Variants in PCNX1 observed in about 807,000 individuals in gnomAD.
The protein encoded by PCNX1 is pecanex 1.
Under a neutral mutation model 242.2 loss-of-function variants are expected in PCNX1, and 78 were observed. That is an observed-to-expected ratio of 0.32 (90% CI 0.27 to 0.39). PCNX1 has a LOEUF of 0.39. Ranked by LOEUF, PCNX1 falls within the 10% of genes least tolerant of loss-of-function variation. The pLI, the probability that PCNX1 is intolerant of heterozygous loss-of-function variation, is 1.00. For missense variants in PCNX1, 2,581 were observed against 2,856.5 expected, an observed-to-expected ratio of 0.90 and a Z score of 2.20; for synonymous variants, 1,024 against 1,032.9, an observed-to-expected ratio of 0.99 and a Z score of 0.17.
At chr14:70,985,739 A>G (rs1352480409) in intron 6 of PCNX1, among the ~76,000 whole-genome samples, 1 of 152,206 alleles carries the variant, frequency 6.6e-6, no homozygotes, top group Non-Finnish European at 1.5e-5. Flanking sequence ...TAGTTGTACT[A>G]GAGTGCTAAT....
intron 23 of PCNX1, 96 bp downstream of exon 23, chr14:71,050,856 G>C: frequency 8.7e-7 from 1 of 1,145,904 alleles, no homozygotes; most frequent in Non-Finnish European, 1.2e-6. Flanking sequence ...TAAGTTTACT[G>C]TGTAATGAAT....
intron 11 of PCNX1, among the ~76,000 whole-genome samples, chr14:71,018,469 G>A (rs2060014323): frequency 6.6e-6 from 1 of 152,130 alleles, no homozygotes; most frequent in African/African-American, 2.4e-5. Flanking sequence ...TTCAAGATAT[G>A]TAAGAGCCCA....
At chr14:71,058,724 C>T (rs1409934938) in intron 26 of PCNX1, among the ~76,000 whole-genome samples, 2 of 152,204 alleles carry the variant, frequency 1.3e-5, no homozygotes, top group African/African-American at 4.8e-5. Flanking sequence ...CTAGAAGTTA[C>T]ACTGTTTGCT....
intron 6 of PCNX1, among the ~76,000 whole-genome samples, chr14:70,983,344 G>T (rs1217476954): frequency 1.3e-5 from 2 of 151,582 alleles, no homozygotes; most frequent in Admixed American, 1.3e-4. Context: ...TCACTCTATT[G>T]TCCAGGCTGG....
At chr14:71,006,216 G>A (rs1452646049) in intron 8 of PCNX1, among the ~76,000 whole-genome samples, 1 of 150,624 alleles carries the variant, frequency 6.6e-6, no homozygotes, top group Non-Finnish European at 1.5e-5. Context: ...TTGAACTCCT[G>A]GGCTCAAGCA....
chr14:70,989,916 CA>C (rs1167388102), intron 7 of PCNX1, among the ~76,000 whole-genome samples: 1 of 152,122 alleles, frequency 6.6e-6, no homozygotes, highest in Non-Finnish European at 1.5e-5. Context: ...CTCTGTGTCC[CA>C]AAAGTACCAT....
intron 28 of PCNX1, 118 bp downstream of exon 28, chr14:71,076,537 G>A: frequency 3.0e-6 from 2 of 672,328 alleles, no homozygotes; most frequent in South Asian, 3.7e-5. Flanking sequence ...TGATCTTCTG[G>A]TTAAGATAAC....
intron 13 of PCNX1, among the ~76,000 whole-genome samples, chr14:71,025,274 C>G (rs577084126): frequency 6.6e-5 from 10 of 152,152 alleles, no homozygotes; most frequent in Admixed American, 1.3e-4. Context: ...CCTGATTTAG[C>G]CATTGGGAGT....
In PCNX1 at chr14:70,978,466, C is replaced by T. The variant is rs1340677824; in HGVS notation, c.2129C>T (p.Pro710Leu). ...AATGACTCAAACAGGTTAATGGCAC[C>T]TGAAAGTATAAAGCCCTTAACCACT... ...CLNDSNRLMA[P>L]ESIKPLTTSK... Residue 710 changes from proline to leucine, a missense_variant, in exon 6 of 36, where the codon CCT becomes CTT. Pro to Leu is a moderately conservative substitution (Grantham distance 98). This residue lies in a region of PCNX1 where 1,204 missense variants were observed against 1,216.7 expected (regional missense o/e 0.99). Coordinates refer to ENST00000304743, the MANE Select transcript of PCNX1 (RefSeq NM_014982.3). 6.2e-7 allele frequency: 1 copy of T among 1,614,142 alleles called. No homozygotes were observed. Among genetic ancestry groups the T allele is most frequent in the South Asian group, 1.1e-5 (1 of 91,074 alleles).
intron 12 of PCNX1, among the ~76,000 whole-genome samples, chr14:71,019,392 T>G (rs1475090812): frequency 6.6e-6 from 1 of 152,058 alleles, no homozygotes; most frequent in Non-Finnish European, 1.5e-5. Flanking sequence ...AAAACTGTGT[T>G]TGTTTTGTTT....
intron 5 of PCNX1, among the ~76,000 whole-genome samples, chr14:70,974,543 T>C (rs2058638445): frequency 6.6e-6 from 1 of 152,236 alleles, no homozygotes; most frequent in African/African-American, 2.4e-5. Flanking sequence ...TCGTTATTTA[T>C]AGGACATTGT....
intron 30 of PCNX1, 45 bp downstream of exon 30, chr14:71,089,387 TC>T (rs752823774): frequency 8.1e-5 from 115 of 1,411,522 alleles, no homozygotes; most frequent in Admixed American, 5.3e-4. Flanking sequence ...TGTTTACTGA[TC>T]CTTCTTCACA....
chr14:70,961,884 G>C (rs112213902), intron 2 of PCNX1, among the ~76,000 whole-genome samples: 101 of 152,224 alleles, frequency 6.6e-4, no homozygotes, highest in African/African-American at 2.2e-3. Flanking sequence ...GAAGCAAAAG[G>C]CAATCATTTC....
intron 1 of PCNX1, among the ~76,000 whole-genome samples, chr14:70,920,322 T>G (rs995243784): frequency 6.6e-6 from 1 of 152,210 alleles, no homozygotes; most frequent in Admixed American, 6.5e-5. Context: ...CTTTTTCTGT[T>G]TCAAGATCCT....
intron 7 of PCNX1, among the ~76,000 whole-genome samples, chr14:70,990,221 A>G (rs540807013): frequency 6.6e-6 from 1 of 152,132 alleles, no homozygotes; most frequent in South Asian, 2.1e-4. Flanking sequence ...TGCCCAGTTC[A>G]CAAATTGTTC....
At chr14:70,968,977 T>C (rs541840084) in intron 4 of PCNX1, 44 bp from the exon 5 acceptor site, 1 of 1,096,326 alleles carries the variant, frequency 9.1e-7, no homozygotes, top group Non-Finnish European at 1.4e-6. Flanking sequence ...CCTACAGCCT[T>C]ACTGTTAATA....
At chr14:71,059,966 C>T (rs1265882277) in intron 26 of PCNX1, among the ~76,000 whole-genome samples, 1 of 152,210 alleles carries the variant, frequency 6.6e-6, no homozygotes, top group Non-Finnish European at 1.5e-5. Context: ...AGCCATCTCT[C>T]TTTCTCCCCT....
At chr14:71,036,320 CACACCAGGCTA>C (rs1161402169) in intron 19 of PCNX1, among the ~76,000 whole-genome samples, 163 bp downstream of exon 19, 1 of 152,054 alleles carries the variant, frequency 6.6e-6, no homozygotes, top group Non-Finnish European at 1.5e-5. Context: ...TGTGCACCAC[CACACCAGGCTA>C]ATTTAAAGAA....
intron 29 of PCNX1, 93 bp from the exon 30 acceptor site, chr14:71,089,099 C>G (rs1029673161): frequency 2.1e-6 from 2 of 940,868 alleles, no homozygotes; most frequent in African/African-American, 1.6e-5. Context: ...TCAAAACACT[C>G]CCAGGTGATT....
Sources: allele counts gnomAD v4.1 joint callset (sites outside exome capture counted in the v4.1 genomes callset), GRCh38; gene constraint gnomAD v4.1.1; regional missense constraint gnomAD v4.1.1; transcripts MANE v1.5; gene names NCBI Gene and HGNC (gene_info 2026-07-23, HGNC 2026-07-21).